Variants in TRAF3 observed in about 807,000 individuals in gnomAD.
TRAF3 encodes the protein TNF receptor associated factor 3.
Under a neutral mutation model 62.3 loss-of-function variants are expected in TRAF3, and 13 were observed. The observed-to-expected ratio is 0.21, with a 90% CI of 0.14 to 0.33. The LOEUF (loss-of-function observed/expected upper bound fraction) is 0.33, where lower values mean the gene tolerates loss of function less well. Among genes scored for constraint, TRAF3 ranks in the 10% least tolerant of loss-of-function variants. The pLI is 1.00. For synonymous variants in TRAF3, 269 were observed against 283.4 expected, an observed-to-expected ratio of 0.95 and a Z score of 0.51; for missense variants, 440 against 741.8, an observed-to-expected ratio of 0.59 and a Z score of 4.73.
intron 1 of TRAF3, among the ~76,000 whole-genome samples, chr14:102,780,449 C>T (rs919551042): frequency 5.3e-5 from 8 of 151,708 alleles, no homozygotes; most frequent in Non-Finnish European, 1.0e-4. Context: ...CAACACTATT[C>T]CAGGAAAGGG....
At chr14:102,784,190 G>A (rs556114830) in intron 1 of TRAF3, among the ~76,000 whole-genome samples, 4 of 144,970 alleles carry the variant, frequency 2.8e-5, no homozygotes, top group Non-Finnish European at 4.5e-5. Flanking sequence ...TGTTCCCAAC[G>A]TTTGCTCCTG....
chr14:102,903,392 C>T lies in TRAF3; in HGVS notation c.1098C>T (p.Ser366=), dbSNP rs772951409. Residue 366 remains serine, a synonymous_variant, in exon 11 of 12, where the codon AGC becomes AGT. Transcript: ENST00000392745. The surrounding 1 kb of genome is among the most constrained non-coding windows in gnomAD (Gnocchi z 6.4). ...SLQNRVTELE[S]VDKSAGQVAR... Reference sequence around the variant, plus strand: ...AGAACCGCGTGACCGAGCTGGAGAGCGTGGACAAGAGCGCGGGGCAAGTGG... The same window carrying T: ...AGAACCGCGTGACCGAGCTGGAGAGTGTGGACAAGAGCGCGGGGCAAGTGG... 1.8e-5 allele frequency: 29 copies of T among 1,613,934 alleles called. 1 individual carries two copies. The Admixed American group carries it at 2.0e-4, about 11-fold the overall frequency.
rs200542131 is a variant in TRAF3, at chr14:102,875,748, T to C, written c.402+20T>C. On this transcript the variant is annotated intron_variant, in intron 5 of 11. Transcript: ENST00000392745. ...CTGCTGGTGAGTAGCAAAGGGACAC[T>C]GGAACCTTTTACATGAAGGAATTCG... The C allele has an allele frequency of 2.1e-5, 33 of 1,591,528 alleles. No homozygotes were observed. Among genetic ancestry groups the C allele is most frequent in the Non-Finnish European group, 2.8e-5 (32 of 1,159,814 alleles).
At chr14:102,893,482 G>A (rs566592016) in intron 9 of TRAF3, among the ~76,000 whole-genome samples, 147 of 152,098 alleles carry the variant, frequency 9.7e-4, no homozygotes, top group Non-Finnish European at 1.5e-3. Context: ...CAGCAGGATG[G>A]TTGTGGACCG....
chr14:102,864,602 G>A (rs962015870), intron 2 of TRAF3, among the ~76,000 whole-genome samples: 5 of 152,052 alleles, frequency 3.3e-5, no homozygotes, highest in East Asian at 3.8e-4. Flanking sequence ...CCAAATTTAC[G>A]TACACCTTAC....
chr14:102,874,043 T>G (rs905027771), intron 4 of TRAF3, among the ~76,000 whole-genome samples: 3 of 152,154 alleles, frequency 2.0e-5, no homozygotes, highest in Non-Finnish European at 4.4e-5. Flanking sequence ...GTGGATCACT[T>G]GGGCTCAGGA....
chr14:102,780,423 TTGAC>T (rs1179093869), intron 1 of TRAF3, among the ~76,000 whole-genome samples: 1 of 152,114 alleles, frequency 6.6e-6, no homozygotes, highest in East Asian at 1.9e-4. Context: ...AAAGCCTTTA[TTGAC>T]TAAGTTCTGC....
chr14:102,780,865 C>G (rs748918552), intron 1 of TRAF3, among the ~76,000 whole-genome samples: 2 of 152,084 alleles, frequency 1.3e-5, no homozygotes, highest in African/African-American at 2.4e-5. Flanking sequence ...AAGGGACATG[C>G]CAGAAACCAG....
chr14:102,863,130 T>G (rs1887778136), intron 2 of TRAF3, among the ~76,000 whole-genome samples: 1 of 152,224 alleles, frequency 6.6e-6, no homozygotes, highest in African/African-American at 2.4e-5. Context: ...CAATTTCTGT[T>G]AGTTGCCTTT....
At chr14:102,793,415 A>G (rs908009789) in intron 1 of TRAF3, among the ~76,000 whole-genome samples, 1 of 152,098 alleles carries the variant, frequency 6.6e-6, no homozygotes, top group African/African-American at 2.4e-5. Context: ...CAGCCTCCCA[A>G]AGTGCTGGGA....
chr14:102,823,249 T>C (rs925634923), intron 1 of TRAF3, among the ~76,000 whole-genome samples: 4 of 152,148 alleles, frequency 2.6e-5, no homozygotes, highest in African/African-American at 9.7e-5. Flanking sequence ...CTTGTGAGCA[T>C]TATGTTGAGT....
Position 102,870,195 on chromosome 14 carries a change from TC to T in TRAF3, c.-5del. ...GTTTTTTCCCGACAGAACTCCTCTT[TC>T]CTAAAATGGAGTCGAGTAAAAAGAT... On this transcript the variant is annotated 5_prime_UTR_variant, in exon 3 of 12. Coordinates refer to ENST00000392745, the MANE Select transcript of TRAF3 (RefSeq NM_145725.3). 1 of 1,614,122 alleles carries T rather than the reference TC, an allele frequency of 6.2e-7. No homozygotes were observed. The highest frequency in any genetic ancestry group is 8.5e-7 in the Non-Finnish European group (1 of 1,180,010).
At chr14:102,797,330 A>G (rs889581426) in intron 1 of TRAF3, among the ~76,000 whole-genome samples, 1 of 152,156 alleles carries the variant, frequency 6.6e-6, no homozygotes, top group Non-Finnish European at 1.5e-5. Flanking sequence ...AGAGTCCCCA[A>G]TTCTATATAT....
In TRAF3 at chr14:102,903,782, C is replaced by T. The variant is rs10132977; in HGVS notation, c.1135+353C>T. ...AGAGGCCAGGACCTGCTGGTCGGGG[C>T]GCCCCAGACCCCACTCCTAAGGGCC... is the stretch of plus-strand genomic sequence containing the variant. On this transcript the variant is annotated intron_variant, in intron 11 of 11. Coordinates refer to ENST00000392745, the MANE Select transcript of TRAF3 (RefSeq NM_145725.3). The surrounding 1 kb of genome is among the most constrained non-coding windows in gnomAD (Gnocchi z 6.4). The T allele has an allele frequency of 0.24, 115,172 of 487,606 alleles. 19,604 individuals carry two copies. Among genetic ancestry groups the T allele is most frequent in the African/African-American group, 0.63 (32,281 of 51,388 alleles). 30.2% of individuals were successfully genotyped at this position (487,606 alleles called of 1,614,324 possible). A position where few individuals can be genotyped will look rare whatever the true frequency, so the allele number is the denominator to read the frequency against.
At chr14:102,898,631 CA>C (rs1235124961) in intron 10 of TRAF3, among the ~76,000 whole-genome samples, 2 of 152,240 alleles carry the variant, frequency 1.3e-5, no homozygotes, top group Non-Finnish European at 2.9e-5. Flanking sequence ...ATAGCCACAA[CA>C]GAAGGAAGAA....
intron 2 of TRAF3, among the ~76,000 whole-genome samples, chr14:102,857,063 T>C (rs1007875238): frequency 2.6e-5 from 4 of 152,226 alleles, no homozygotes; most frequent in Non-Finnish European, 4.4e-5. Context: ...CTGAGTAAAC[T>C]AAACAAGAAG....
At chr14:102,787,079 C>T (rs568944485) in intron 1 of TRAF3, among the ~76,000 whole-genome samples, 1 of 152,262 alleles carries the variant, frequency 6.6e-6, no homozygotes, top group South Asian at 2.1e-4. Context: ...TTTCTCTTCC[C>T]CTTTCCTTTC....
chr14:102,887,873 G>A (rs1889489639), intron 7 of TRAF3, among the ~76,000 whole-genome samples: 1 of 152,174 alleles, frequency 6.6e-6, no homozygotes, highest in Non-Finnish European at 1.5e-5. Context: ...AGGATTACAG[G>A]TGTGAGCCAC....
At chr14:102,803,899 T>C (rs769486138) in intron 1 of TRAF3, among the ~76,000 whole-genome samples, 4 of 152,132 alleles carry the variant, frequency 2.6e-5, no homozygotes, top group African/African-American at 9.7e-5. Flanking sequence ...CCCTATGAAA[T>C]TGACTTAAAA....
Sources: gnomAD v4.1 joint callset for allele counts (sites outside exome capture counted in the v4.1 genomes callset) on GRCh38, gnomAD v4.1.1 for gene constraint, Gnocchi (gnomAD v3.1) non-coding constraint, MANE v1.5 for transcripts, NCBI Gene and HGNC (gene_info 2026-07-23, HGNC 2026-07-21) for gene names.